Variants in SLIT2 observed in about 807,000 individuals in gnomAD.
SLIT2 encodes slit guidance ligand 2, also known as slit homolog 2 protein.
A neutral mutation model predicts 185.7 loss-of-function variants in SLIT2; 41 were observed. That is an observed-to-expected ratio of 0.22 (90% confidence interval 0.17 to 0.29). The LOEUF (loss-of-function observed/expected upper bound fraction) is 0.29, where lower values mean the gene tolerates loss of function less well. Among genes scored for constraint, SLIT2 ranks in the 10% least tolerant of loss-of-function variants. The probability of loss-of-function intolerance (pLI) is 1.00; values close to 1 mark genes in which losing one functional copy is unlikely to be tolerated. For missense variants in SLIT2, 1,571 were observed against 1,909.0 expected, an observed-to-expected ratio of 0.82 and a Z score of 3.30; for synonymous variants, 693 against 680.2, an observed-to-expected ratio of 1.02 and a Z score of -0.29.
rs148533502 is a variant in SLIT2 at position 20,485,639 on chromosome 4, G to A, written c.540-561G>A. Reference sequence around the variant, plus strand: ...ACAGCAAGTTACTTCATCCCCACCTGGTGCAAGTACCAGATGTAGATATAG... The same window carrying A: ...ACAGCAAGTTACTTCATCCCCACCTAGTGCAAGTACCAGATGTAGATATAG... On this transcript the variant is annotated intron_variant, in intron 6 of 36. Transcript: ENST00000504154. Among the ~76,000 whole-genome samples the A allele has an allele frequency of 6.7e-3, 1,019 of 152,170 alleles. 7 individuals carry two copies. The highest frequency in any genetic ancestry group is 0.014 in the Middle Eastern group (4 of 294).
intron 8 of SLIT2, chr4:20,490,679 TATA>T: frequency 1.5e-6 from 1 of 676,892 alleles, no homozygotes; most frequent in South Asian, 1.9e-5. Flanking sequence ...AAAATTTTTG[TATA>T]ATATCATGGA....
At chr4:20,342,934 A>C (rs1309912985) in intron 4 of SLIT2, among the ~76,000 whole-genome samples, 1 of 147,104 alleles carries the variant, frequency 6.8e-6, no homozygotes, top group Non-Finnish European at 1.5e-5. Flanking sequence ...TTTTTCTTTC[A>C]TTCTTTCTTT....
chr4:20,532,734 G>A lies in SLIT2; in HGVS notation c.1688+676G>A, dbSNP rs377377661. On this transcript the variant is annotated intron_variant, in intron 17 of 36. Coordinates refer to ENST00000504154, the MANE Select transcript of SLIT2 (RefSeq NM_004787.4). ...ATAGTCACATAGACTGTAAGTTACC[G>A]AACAGACTACTTGTACAGATGGCAT... Among the ~76,000 whole-genome samples, 7 of 152,234 alleles carry A rather than the reference G, an allele frequency of 4.6e-5. No homozygotes were observed. In the East Asian group the frequency reaches 1.2e-3, roughly 25 times the overall value.
chr4:20,416,038 T>C (rs1727654415), intron 4 of SLIT2, among the ~76,000 whole-genome samples: 1 of 152,200 alleles, frequency 6.6e-6, no homozygotes. Context: ...GAGGCATTTA[T>C]TTCCTGTACT....
intron 4 of SLIT2, among the ~76,000 whole-genome samples, chr4:20,416,266 G>T (rs139473361): frequency 6.6e-6 from 1 of 152,246 alleles, no homozygotes; most frequent in Admixed American, 6.5e-5. Flanking sequence ...AGCAGATTTG[G>T]TTTGACATCG....
intron 4 of SLIT2, among the ~76,000 whole-genome samples, chr4:20,390,759 A>AT (rs67798474): frequency 5.7e-4 from 85 of 148,664 alleles, no homozygotes; most frequent in Admixed American, 1.8e-3. Flanking sequence ...AAAAGATCTT[A>AT]TTTTTTTTTT....
chr4:20,618,962 G>A lies in SLIT2; in HGVS notation c.4543G>A (p.Glu1515Lys), dbSNP rs768302481. ...CACTGACGGCTCCTCCTTTGTGGAC[G>A]AGGTTGAGAAAGTGGTGAAGTGCGG... ...ECTDGSSFVD[E>K]VEKVVKCGCT... Residue 1515 changes from glutamate (E) to lysine (K), a missense_variant, in exon 37 of 37, where the codon GAG becomes AAG. Glu to Lys is a moderately conservative substitution (Grantham distance 56, BLOSUM62 1). Transcript: ENST00000504154. 7.4e-6 allele frequency: 12 copies of A among 1,614,134 alleles called. No individual in the cohort carries two copies. The highest frequency in any genetic ancestry group is 2.2e-5 in the South Asian group (2 of 91,088).
Position 20,594,207 on chromosome 4 carries a change from G to A in SLIT2, c.3183-1490G>A, listed in dbSNP as rs573182695. Among the ~76,000 whole-genome samples the A allele has an allele frequency of 1.2e-4, 18 of 149,338 alleles. No individual in the cohort carries two copies. In the South Asian group the frequency reaches 3.8e-3, roughly 32 times the overall value. Reference sequence around the variant, plus strand: ...TGTGTGTATATACATATGTATGTATGTGTGTATATATGTATATGTATGTAC... The same window carrying A: ...TGTGTGTATATACATATGTATGTATATGTGTATATATGTATATGTATGTAC... On this transcript the variant is annotated intron_variant, in intron 30 of 36. Transcript: ENST00000504154.
chr4:20,317,807 A>T (rs1000211823), intron 4 of SLIT2, among the ~76,000 whole-genome samples: 9 of 152,002 alleles, frequency 5.9e-5, no homozygotes, highest in Non-Finnish European at 1.2e-4. Context: ...CAAAATCATT[A>T]AAAAAAATTC....
At chr4:20,343,819 A>AC (rs1177140763) in intron 4 of SLIT2, among the ~76,000 whole-genome samples, 4 of 151,398 alleles carry the variant, frequency 2.6e-5, no homozygotes, top group Non-Finnish European at 4.4e-5. Context: ...AAAAAAAAAA[A>AC]AAATTGACAT....
At chr4:20,378,700 G>A (rs907884405) in intron 4 of SLIT2, among the ~76,000 whole-genome samples, 5 of 152,062 alleles carry the variant, frequency 3.3e-5, no homozygotes, top group Admixed American at 1.3e-4. Context: ...AAAACAGTTA[G>A]CCAGTTTCTT....
chr4:20,293,015 A>G (rs1335697286), intron 4 of SLIT2, among the ~76,000 whole-genome samples: 2 of 152,224 alleles, frequency 1.3e-5, no homozygotes, highest in Non-Finnish European at 2.9e-5. Context: ...GGATTTCTGT[A>G]GTTTCCAAAG....
intron 4 of SLIT2, among the ~76,000 whole-genome samples, chr4:20,303,851 CAT>C (rs1158650358): frequency 1.3e-5 from 2 of 152,070 alleles, no homozygotes; most frequent in African/African-American, 2.4e-5. Flanking sequence ...AAAATAAAGA[CAT>C]AGAACTACAA....
rs557376162 is a variant in SLIT2 at position 20,560,842 on chromosome 4, G to A, written c.2726-6420G>A. ...CATTAATTAAACAAATATTATTCAA[G>A]TTCGTACAATGTTCAAGGCACTGTG... On this transcript the variant is annotated intron_variant, in intron 26 of 36. Transcript: ENST00000504154. Among the ~76,000 whole-genome samples, 13 of 151,940 alleles carry A rather than the reference G, an allele frequency of 8.6e-5. No individual in the cohort carries two copies. The South Asian group carries it at 2.7e-3, about 32-fold the overall frequency.
At chr4:20,313,822 G>T (rs1577413964) in intron 4 of SLIT2, among the ~76,000 whole-genome samples, 1 of 152,204 alleles carries the variant, frequency 6.6e-6, no homozygotes, top group East Asian at 1.9e-4. Flanking sequence ...TGAACACGAG[G>T]TGGCGCTCAG....
chr4:20,607,996 T>A (rs1036271103), intron 33 of SLIT2, among the ~76,000 whole-genome samples: 1 of 152,166 alleles, frequency 6.6e-6, no homozygotes, highest in Non-Finnish European at 1.5e-5. Context: ...TCTGCCAGCC[T>A]TTAACATTAT....
chr4:20,608,006 T>C (rs2148976428), intron 33 of SLIT2, among the ~76,000 whole-genome samples: 1 of 152,274 alleles, frequency 6.6e-6, no homozygotes, highest in Non-Finnish European at 1.5e-5. Flanking sequence ...TTTAACATTA[T>C]CTTACAATCA....
intron 4 of SLIT2, among the ~76,000 whole-genome samples, chr4:20,434,697 G>T (rs532744925): frequency 2.6e-5 from 4 of 152,312 alleles, no homozygotes; most frequent in East Asian, 3.9e-4. Flanking sequence ...AAGTGGAAAC[G>T]TAGGTAGATG....
chr4:20,523,996 C>A lies in SLIT2; in HGVS notation c.1275-18C>A. 1 of 1,613,924 alleles carries A rather than the reference C, an allele frequency of 6.2e-7. No individual in the cohort carries two copies. Among genetic ancestry groups the A allele is most frequent in the Non-Finnish European group, 8.5e-7 (1 of 1,179,824 alleles). On this transcript the variant is annotated intron_variant, in intron 13 of 36. Transcript: ENST00000504154. ...ATTGCAAGTCATCTATAAAACTGTT[C>A]TGTATGTGTTTCCAAAGGCATTTGG...
Sources: allele counts gnomAD v4.1 joint callset (sites outside exome capture counted in the v4.1 genomes callset), GRCh38; gene constraint gnomAD v4.1.1; transcripts MANE v1.5; gene names NCBI Gene and HGNC (gene_info 2026-07-23, HGNC 2026-07-21).